Variants in KLHL29 observed in about 807,000 individuals in gnomAD.
KLHL29 encodes the protein kelch-like protein 29.
Under a neutral mutation model 80.4 loss-of-function variants are expected in KLHL29, and 21 were observed. The observed-to-expected ratio is 0.26, with a 90% CI of 0.19 to 0.38. The LOEUF (loss-of-function observed/expected upper bound fraction) is 0.38, where lower values mean the gene tolerates loss of function less well. KLHL29 is among the 10% of genes least tolerant of loss of function. The probability of loss-of-function intolerance (pLI) is 1.00; values close to 1 mark genes in which losing one functional copy is unlikely to be tolerated. For synonymous variants in KLHL29, 511 were observed against 526.8 expected, an observed-to-expected ratio of 0.97 and a Z score of 0.41; for missense variants, 867 against 1,223.9, an observed-to-expected ratio of 0.71 and a Z score of 4.35.
intron 5 of KLHL29, among the ~76,000 whole-genome samples, chr2:23,646,673 C>T (rs1033846078): frequency 6.6e-6 from 1 of 152,182 alleles, no homozygotes. Context: ...GGTTCTCCAG[C>T]TCCTCCCTTC....
At chr2:23,406,585 A>AT (rs1356031743) in intron 1 of KLHL29, among the ~76,000 whole-genome samples, 2 of 151,740 alleles carry the variant, frequency 1.3e-5, no homozygotes, top group Non-Finnish European at 2.9e-5. Context: ...CATCAGATGT[A>AT]TTTTTTTTCC....
chr2:23,433,633 G>T (rs1314414763), intron 1 of KLHL29, among the ~76,000 whole-genome samples: 1 of 152,190 alleles, frequency 6.6e-6, no homozygotes, highest in Non-Finnish European at 1.5e-5. Context: ...AAAAATGAGC[G>T]CTGGGCAGGG....
chr2:23,601,945 G>A (rs1442659197), intron 3 of KLHL29, among the ~76,000 whole-genome samples: 1 of 152,232 alleles, frequency 6.6e-6, no homozygotes, highest in Non-Finnish European at 1.5e-5. Context: ...ATATCAGGCT[G>A]TGAAGGACAC....
rs1394733830 is a variant in KLHL29, at chr2:23,385,183, G to A, written c.-751G>A. On this transcript the variant is annotated 5_prime_UTR_variant, in exon 1 of 14. Coordinates refer to ENST00000486442, the MANE Select transcript of KLHL29 (RefSeq NM_052920.2). ...CGCCTCCCTCGCAGCTAAAGCAGACGGTACCCGGAGCGGAGCGAGCCAGAA... is the reference window on the plus strand; with the variant it reads ...CGCCTCCCTCGCAGCTAAAGCAGACAGTACCCGGAGCGGAGCGAGCCAGAA... 1.4e-5 allele frequency: 2 copies of A among 147,378 alleles called. No individual in the cohort carries two copies. Among genetic ancestry groups the A allele is most frequent in the Non-Finnish European group, 3.0e-5 (2 of 66,100 alleles). 9.1% of individuals were successfully genotyped at this position (147,378 alleles called of 1,614,324 possible).
At chr2:23,582,969 G>A (rs960344191) in intron 3 of KLHL29, among the ~76,000 whole-genome samples, 30 of 152,194 alleles carry the variant, frequency 2.0e-4, no homozygotes, top group African/African-American at 6.5e-4. Context: ...AATGACGAGT[G>A]TTTTTACAAG....
intron 3 of KLHL29, among the ~76,000 whole-genome samples, chr2:23,635,530 C>T (rs980621399): frequency 1.3e-5 from 2 of 152,338 alleles, no homozygotes; most frequent in Middle Eastern, 3.4e-3. Flanking sequence ...TAGAGGCCCT[C>T]GGTCTTTAGT....
intron 2 of KLHL29, among the ~76,000 whole-genome samples, chr2:23,537,502 G>A (rs141592548): frequency 6.6e-6 from 1 of 151,956 alleles, no homozygotes; most frequent in Non-Finnish European, 1.5e-5. Context: ...TCGGGAGGAG[G>A]CATCCTGTGT....
chr2:23,662,871 G>A (rs1184019941), intron 5 of KLHL29, among the ~76,000 whole-genome samples: 1 of 152,214 alleles, frequency 6.6e-6, no homozygotes, highest in African/African-American at 2.4e-5. Context: ...GAAACACAGC[G>A]GTGGGTTGAA....
chr2:23,445,672 T>C (rs1040916938), intron 1 of KLHL29, among the ~76,000 whole-genome samples: 5 of 152,266 alleles, frequency 3.3e-5, no homozygotes, highest in Admixed American at 1.3e-4. Flanking sequence ...TGTCAGATAT[T>C]GCTACATTCT....
chr2:23,505,449 G>T (rs1188080011), intron 2 of KLHL29, among the ~76,000 whole-genome samples: 1 of 152,224 alleles, frequency 6.6e-6, no homozygotes. Context: ...CATCATGGCT[G>T]CAGGTGTGCC....
In KLHL29 at chr2:23,672,994, T is replaced by C. The variant is rs570471352; in HGVS notation, c.941-11405T>C. 1.4e-4 allele frequency among the ~76,000 whole-genome samples: 22 copies of C among 152,296 alleles called. No homozygotes were observed. The South Asian group carries it at 2.1e-3, about 14-fold the overall frequency. On this transcript the variant is annotated intron_variant, in intron 5 of 13. Coordinates refer to ENST00000486442, the MANE Select transcript of KLHL29 (RefSeq NM_052920.2). ...ACCTTTTCAGTGTCAGAGACAAAGC[T>C]GATGCTCTCAGCCTCCCTCATGAAA...
intron 1 of KLHL29, among the ~76,000 whole-genome samples, chr2:23,400,446 G>T (rs1255506085): frequency 1.3e-5 from 2 of 152,268 alleles, no homozygotes; most frequent in East Asian, 3.9e-4. Flanking sequence ...GGGTGAGTTT[G>T]TAGCCTCTGA....
At chr2:23,438,376 C>G (rs1663407226) in intron 1 of KLHL29, among the ~76,000 whole-genome samples, 1 of 144,536 alleles carries the variant, frequency 6.9e-6, no homozygotes. Flanking sequence ...AGAGGGCATC[C>G]CTGTCTTGTG....
At chr2:23,546,015 G>A (rs114687211) in intron 2 of KLHL29, among the ~76,000 whole-genome samples, 288 of 152,354 alleles carry the variant, frequency 1.9e-3, no homozygotes, top group African/African-American at 6.8e-3. Flanking sequence ...CCTACAGACC[G>A]GGTTGGGCTG....
In KLHL29 at chr2:23,562,249, G is replaced by T. The variant is rs773607284; in HGVS notation, c.53G>T (p.Arg18Leu). 1 of 1,550,318 alleles carries T rather than the reference G, an allele frequency of 6.5e-7. No individual in the cohort carries two copies. Among genetic ancestry groups the T allele is most frequent in the Non-Finnish European group, 8.7e-7 (1 of 1,146,842 alleles). The change falls in exon 3 of 14, where the codon CGC becomes CTC. Residue 18 changes from arginine to leucine, a missense_variant. By Grantham distance (102) the Arg-to-Leu change is moderately radical (BLOSUM62 -2). Transcript: ENST00000486442. The surrounding 1 kb of genome is among the most constrained non-coding windows in gnomAD (Gnocchi z 4.5). ...AGAGATTACCGGGTGGGCTGGGACCGCCGCGAATGGAGCGTCAACGGGACG... is the reference window on the plus strand; with the variant it reads ...AGAGATTACCGGGTGGGCTGGGACCTCCGCGAATGGAGCGTCAACGGGACG... ...FERDYRVGWD[R>L]REWSVNGTHG...
Position 23,684,321 on chromosome 2 carries a change from GA to G in KLHL29, c.941-70del, listed in dbSNP as rs906327916. On this transcript the variant is annotated intron_variant, in intron 5 of 13. Coordinates refer to ENST00000486442, the MANE Select transcript of KLHL29 (RefSeq NM_052920.2). This position sits in a 1 kb window ranked among gnomAD's most constrained non-coding sequence, Gnocchi z 4.4. The stretch of plus-strand genomic sequence containing the variant: ...CCTATTTCTCTACTTCTTGAAAAAA[GA>G]AAAAAAACTTTTTTTAATTAAAAAA... The G allele has an allele frequency of 3.5e-6, 4 of 1,130,290 alleles. No individual in the cohort carries two copies. The highest frequency in any genetic ancestry group is 3.1e-4 in the Middle Eastern group (1 of 3,254). The allele number at this position is 1,130,290 out of a possible 1,614,324, so 70.0% of individuals were successfully genotyped here. A position where few individuals can be genotyped will look rare whatever the true frequency, so the allele number is the denominator to read the frequency against.
At chr2:23,590,020 A>T (rs1668216537) in intron 3 of KLHL29, among the ~76,000 whole-genome samples, 1 of 152,192 alleles carries the variant, frequency 6.6e-6, no homozygotes, top group Non-Finnish European at 1.5e-5. Context: ...CTGCCTAAAG[A>T]CCAGGAAATG....
chr2:23,395,460 T>C (rs55729828), intron 1 of KLHL29, among the ~76,000 whole-genome samples: 7,695 of 152,240 alleles, frequency 0.051, 206 homozygotes, highest in Middle Eastern at 0.1. Flanking sequence ...GAAACTACGA[T>C]TGCAGGCCAG....
At chr2:23,409,270 T>C (rs146122371) in intron 1 of KLHL29, among the ~76,000 whole-genome samples, 1 of 152,264 alleles carries the variant, frequency 6.6e-6, no homozygotes, top group Non-Finnish European at 1.5e-5. Context: ...CACTTCACTC[T>C]CCGCAGCTGT....
Sources: gnomAD v4.1 joint callset for allele counts (sites outside exome capture counted in the v4.1 genomes callset) on GRCh38, gnomAD v4.1.1 for gene constraint, Gnocchi (gnomAD v3.1) non-coding constraint, MANE v1.5 for transcripts, NCBI Gene and HGNC (gene_info 2026-07-23, HGNC 2026-07-21) for gene names.